Variants in FMNL1 observed in about 807,000 individuals in gnomAD.
FMNL1 encodes the protein formin like 1.
In FMNL1, 43 loss-of-function variants were observed where a neutral mutation model predicts 121.3. The ratio of observed to expected loss-of-function variants is 0.35; its 90% CI spans 0.28 to 0.46. FMNL1 has a LOEUF of 0.46. Ranked by LOEUF, FMNL1 falls within the 20% of genes least tolerant of loss-of-function variation. The pLI is 1.00. For synonymous variants in FMNL1, 613 were observed against 613.5 expected (o/e 1.00, Z 0.01); for missense variants, 1,191 against 1,482.4 (o/e 0.80, Z 3.23).
At position 45,243,294 on chromosome 17, in the gene FMNL1, C is replaced by T. The variant is rs747985955; in HGVS notation, c.2187C>T (p.Ala729=). The change falls in exon 17 of 27, where the codon GCC becomes GCT. Residue 729 remains alanine (A), a synonymous_variant. Coordinates refer to ENST00000331495, the MANE Select transcript of FMNL1 (RefSeq NM_005892.4). ...CCCTGCGGAAGGGCAACCTGGGGGC[C>T]GAGCGCATCTGCCAAGCCATTGAGG... ...AITLRKGNLG[A]ERICQAIEAY... 93 of 1,613,406 alleles carry T rather than the reference C, an allele frequency of 5.8e-5. No individual in the cohort carries two copies. Among genetic ancestry groups the T allele is most frequent in the Admixed American group, 1.5e-4 (9 of 59,988 alleles).
chr17:45,240,426 C>T (rs759359198), intron 11 of FMNL1, 50 bp from the exon 12 acceptor site: 3 of 1,530,936 alleles, frequency 2.0e-6, no homozygotes, highest in Non-Finnish European at 1.8e-6. Context: ...GAAAGACTCC[C>T]CCCCACACAC....
intron 1 of FMNL1, among the ~76,000 whole-genome samples, chr17:45,228,118 C>T (rs2143236100): frequency 6.6e-6 from 1 of 152,282 alleles, no homozygotes; most frequent in East Asian, 1.9e-4. Flanking sequence ...TTCAGGGTGG[C>T]CTCACTCCAC....
rs982242805 is a variant in FMNL1 at position 45,226,836 on chromosome 17, C to G, written c.130-3768C>G. ...TTGCCCTTGTCCCAGCTGTGGGGAC[C>G]CTTGAACTCTGATGGGAGAAGCTGT... On this transcript the variant is annotated intron_variant, in intron 1 of 26. Coordinates refer to ENST00000331495, the MANE Select transcript of FMNL1 (RefSeq NM_005892.4). Among the ~76,000 whole-genome samples the G allele has an allele frequency of 3.9e-4, 59 of 152,162 alleles. 1 individual carries two copies. Among genetic ancestry groups the G allele is most frequent in the Non-Finnish European group, 1.9e-4 (13 of 68,000 alleles).
Position 45,241,008 on chromosome 17 carries a change from G to C in FMNL1, c.1231-121G>C. 7.8e-7 allele frequency: 1 copy of C among 1,282,774 alleles called. No individual in the cohort carries two copies. The highest frequency in any genetic ancestry group is 1.1e-6 in the Non-Finnish European group (1 of 907,978). The allele number at this position is 1,282,774 out of a possible 1,614,324, so 79.5% of individuals were successfully genotyped here. A position where few individuals can be genotyped will look rare whatever the true frequency, so the allele number is the denominator to read the frequency against. On this transcript the variant is annotated intron_variant, in intron 12 of 26. Coordinates refer to ENST00000331495, the MANE Select transcript of FMNL1 (RefSeq NM_005892.4). This position sits in a 1 kb window ranked among gnomAD's most constrained non-coding sequence, Gnocchi z 7.0. ...CAGGCTCGGCCCACCCTTGGCACCT[G>C]GGCTGAGCGGATCTGGGAGCCTCCC...
rs901695838 is a variant in FMNL1 at position 45,222,087 on chromosome 17, G to T, written c.-38G>T. On this transcript the variant is annotated 5_prime_UTR_variant, in exon 1 of 27. Coordinates refer to ENST00000331495, the MANE Select transcript of FMNL1 (RefSeq NM_005892.4). The stretch of plus-strand genomic sequence containing the variant: ...CCGTCCCCCGGAAAGCTGGATTTCC[G>T]AGGCTGGAGGCGCCTGGCCGGCTGG... 5.3e-6 allele frequency: 6 copies of T among 1,140,126 alleles called. No individual in the cohort carries two copies. Among genetic ancestry groups the T allele is most frequent in the Non-Finnish European group, 6.5e-6 (6 of 929,716 alleles). The allele number at this position is 1,140,126 out of a possible 1,614,324, so 70.6% of individuals were successfully genotyped here.
chr17:45,233,485 T>C lies in FMNL1; in HGVS notation c.402-163T>C, dbSNP rs1298276461. 6.6e-6 allele frequency among the ~76,000 whole-genome samples: 1 copy of C among 152,062 alleles called. No individual in the cohort carries two copies. The highest frequency in any genetic ancestry group is 2.4e-5 in the African/African-American group (1 of 41,410). ...ATGCTCTGACTGGCACCTTGAGGCA[T>C]GGCTGGGCTGTGGGACCCACCTGAG... is the stretch of plus-strand genomic sequence containing the variant. On this transcript the variant is annotated intron_variant, in intron 4 of 26. Coordinates refer to ENST00000331495, the MANE Select transcript of FMNL1 (RefSeq NM_005892.4). The surrounding 1 kb of genome is among the most constrained non-coding windows in gnomAD (Gnocchi z 4.1).
chr17:45,237,743 G>A lies in FMNL1; in HGVS notation c.894+104G>A. On this transcript the variant is annotated intron_variant, in intron 9 of 26. Coordinates refer to ENST00000331495, the MANE Select transcript of FMNL1 (RefSeq NM_005892.4). This position sits in a 1 kb window ranked among gnomAD's most constrained non-coding sequence, Gnocchi z 4.4. Reference sequence around the variant, plus strand: ...TGCTGGAGGCAGCTGGGGACATTGGGTGGGCATTTGGGGAACGCCCAAAAG... The same window carrying A: ...TGCTGGAGGCAGCTGGGGACATTGGATGGGCATTTGGGGAACGCCCAAAAG... 1 of 1,298,594 alleles carries A rather than the reference G, an allele frequency of 7.7e-7. No individual in the cohort carries two copies. Among genetic ancestry groups the A allele is most frequent in the African/African-American group, 1.5e-5 (1 of 68,578 alleles). The allele number at this position is 1,298,594 out of a possible 1,614,324, so 80.4% of individuals were successfully genotyped here. A position where few individuals can be genotyped will look rare whatever the true frequency, so the allele number is the denominator to read the frequency against.
rs2043717223 is a variant in FMNL1, at chr17:45,242,091, G to GCCT, written c.1833_1835dup (p.Pro612dup). 6.8e-7 allele frequency: 1 copy of GCCT among 1,471,436 alleles called. No homozygotes were observed. The highest frequency in any genetic ancestry group is 9.0e-7 in the Non-Finnish European group (1 of 1,111,728). 91.1% of individuals were successfully genotyped at this position (1,471,436 alleles called of 1,614,324 possible). A position where few individuals can be genotyped will look rare whatever the true frequency, so the allele number is the denominator to read the frequency against. On this transcript the variant is annotated inframe_insertion, in exon 15 of 27. Coordinates refer to ENST00000331495, the MANE Select transcript of FMNL1 (RefSeq NM_005892.4). ...CTCCGCCGCCGCCGCCGCCGCCGCC[G>GCCT]CCTCCCGGAGGTCCTCCTGATGCCC...
At chr17:45,240,162 C>T (rs1030107983) in intron 11 of FMNL1, among the ~76,000 whole-genome samples, 1 of 152,118 alleles carries the variant, frequency 6.6e-6, no homozygotes. Flanking sequence ...TTAGTGGTTG[C>T]CAGGGACTGG....
rs2043682161 is a variant in FMNL1, at chr17:45,241,191, A to C, written c.1293A>C (p.Lys431Asn). ...ESMAKIAELE[K>N]QLSQARKELE... Reference sequence around the variant, plus strand: ...TGGCCAAGATTGCAGAACTGGAAAAACAGCTAAGCCAGGCGCGCAAGGAGT... The same window carrying C: ...TGGCCAAGATTGCAGAACTGGAAAACCAGCTAAGCCAGGCGCGCAAGGAGT... Residue 431 changes from lysine (K) to asparagine (N), a missense_variant, in exon 13 of 27, where the codon AAA (lysine) becomes AAC (asparagine). By Grantham distance (94) the Lys-to-Asn change is moderately conservative. Coordinates refer to ENST00000331495, the MANE Select transcript of FMNL1 (RefSeq NM_005892.4). This position sits in a 1 kb window ranked among gnomAD's most constrained non-coding sequence, Gnocchi z 7.0. 1 of 1,613,888 alleles carries C rather than the reference A, an allele frequency of 6.2e-7. No homozygotes were observed. The highest frequency in any genetic ancestry group is 8.5e-7 in the Non-Finnish European group (1 of 1,179,874).
rs1385976615 is a variant in FMNL1, at chr17:45,222,139, C to A, written c.15C>A (p.Ala5=). MGNA[A]GSAEQPAGPA... ...TGGGGACCACCATGGGCAACGCGGC[C>A]GGCAGCGCCGAGCAGCCCGCGGGCC... The change falls in exon 1 of 27, where the codon GCC becomes GCA. Residue 5 remains alanine (A), a synonymous_variant. Transcript: ENST00000331495. 1.1e-5 allele frequency: 13 copies of A among 1,183,006 alleles called. No homozygotes were observed. The East Asian group carries it at 4.8e-4, about 44-fold the overall frequency. 73.3% of individuals were successfully genotyped at this position (1,183,006 alleles called of 1,614,324 possible).
chr17:45,244,884 C>G lies in FMNL1; in HGVS notation c.2583C>G (p.Leu861=). 5 of 1,613,808 alleles carry G rather than the reference C, an allele frequency of 3.1e-6. No homozygotes were observed. Among genetic ancestry groups the G allele is most frequent in the Non-Finnish European group, 4.2e-6 (5 of 1,179,882 alleles). ...GTGGGGCAGCCTATGGCTTCCGGCT[C>G]CAGAGCCTGGATGCGGTGAGGAGGG... is the stretch of plus-strand genomic sequence containing the variant. ...SKRGAAYGFR[L]QSLDALLEMK... The change falls in exon 20 of 27, where the codon CTC becomes CTG. Residue 861 remains leucine (L), a synonymous_variant. Coordinates refer to ENST00000331495, the MANE Select transcript of FMNL1 (RefSeq NM_005892.4).
intron 22 of FMNL1, 106 bp downstream of exon 22, chr17:45,245,522 G>C (rs763580251): frequency 6.2e-7 from 1 of 1,603,210 alleles, no homozygotes; most frequent in Non-Finnish European, 8.5e-7. Flanking sequence ...GGATGCAGCA[G>C]GAATGAGGGG....
chr17:45,221,933 G>T lies in FMNL1; in HGVS notation c.-192G>T. The stretch of plus-strand genomic sequence containing the variant: ...CTCGCCGCCCGGTCCCACGGACGGG[G>T]CCGCCCCGATGGGACGCCGCGCTCC... On this transcript the variant is annotated 5_prime_UTR_variant, in exon 1 of 27. Coordinates refer to ENST00000331495, the MANE Select transcript of FMNL1 (RefSeq NM_005892.4). 1 of 355,350 alleles carries T rather than the reference G, an allele frequency of 2.8e-6. No homozygotes were observed. Among genetic ancestry groups the T allele is most frequent in the Non-Finnish European group, 4.9e-6 (1 of 205,084 alleles). The allele number at this position is 355,350 out of a possible 1,614,324, so 22.0% of individuals were successfully genotyped here. A position where few individuals can be genotyped will look rare whatever the true frequency, so the allele number is the denominator to read the frequency against.
intron 1 of FMNL1, among the ~76,000 whole-genome samples, chr17:45,222,576 C>A (rs1318379869): frequency 6.6e-6 from 1 of 152,014 alleles, no homozygotes; most frequent in Admixed American, 6.5e-5. Flanking sequence ...TCGCCCCCTT[C>A]CCCACTGCAC....
chr17:45,241,904 T>G lies in FMNL1; in HGVS notation c.1643T>G (p.Leu548Arg). The G allele has an allele frequency of 1.4e-6, 2 of 1,385,368 alleles. No homozygotes were observed. The highest frequency in any genetic ancestry group is 1.9e-6 in the Non-Finnish European group (2 of 1,078,942). 85.8% of individuals were successfully genotyped at this position (1,385,368 alleles called of 1,614,324 possible). ...GCAGCGCCACCGCCGCCGCCCCCACTGCCCGGCCTCCCCTCCCCGCAGGAA... is the reference window on the plus strand; with the variant it reads ...GCAGCGCCACCGCCGCCGCCCCCACGGCCCGGCCTCCCCTCCCCGCAGGAA... ...PGAAPPPPPP[L>R]PGLPSPQEAP... Residue 548 changes from leucine to arginine, a missense_variant, in exon 15 of 27, where the codon CTG (leucine) becomes CGG (arginine). By Grantham distance (102) the Leu-to-Arg change is moderately radical. Around this residue, in one of 4 missense-constraint regions of FMNL1, gnomAD observed 519 missense variants for 492.8 expected, o/e 1.05. Transcript: ENST00000331495. This position sits in a 1 kb window ranked among gnomAD's most constrained non-coding sequence, Gnocchi z 7.0.
chr17:45,231,952 G>A lies in FMNL1; in HGVS notation c.214-415G>A. On this transcript the variant is annotated intron_variant, in intron 2 of 26. Transcript: ENST00000331495. This position sits in a 1 kb window ranked among gnomAD's most constrained non-coding sequence, Gnocchi z 4.7. The stretch of plus-strand genomic sequence containing the variant: ...CATAGTCCACCCCAAAGCTGTGTCA[G>A]GGCTGTGGCCTGGGAGCCCATACAG... 6.6e-6 allele frequency among the ~76,000 whole-genome samples: 1 copy of A among 152,206 alleles called. No homozygotes were observed. Among genetic ancestry groups the A allele is most frequent in the Non-Finnish European group, 1.5e-5 (1 of 68,034 alleles).
chr17:45,241,541 G>A lies in FMNL1; in HGVS notation c.1492G>A (p.Ala498Thr), dbSNP rs2143549620. The A allele has an allele frequency of 1.3e-6, 2 of 1,575,214 alleles. No individual in the cohort carries two copies. The highest frequency in any genetic ancestry group is 8.6e-7 in the Non-Finnish European group (1 of 1,161,410). The part of the protein sequence containing the change: ...LIRILRGPGD[A>T]VSIEILPVAV... ...CCGTATTCTGCGGGGGCCGGGGGAT[G>A]CTGTCTCCATCGAGATCCTCCCCGT... Residue 498 changes from alanine to threonine, a missense_variant, in exon 14 of 27, where the codon GCT becomes ACT. Ala to Thr is a moderately conservative substitution (Grantham distance 58, BLOSUM62 0). Transcript: ENST00000331495. The surrounding 1 kb of genome is among the most constrained non-coding windows in gnomAD (Gnocchi z 7.0).
Position 45,241,991 on chromosome 17 carries a change from C to T in FMNL1, c.1730C>T (p.Ala577Val). Residue 577 changes from alanine to valine, a missense_variant, in exon 15 of 27, where the codon GCG becomes GTG. Physicochemically the swap from Ala to Val is moderately conservative, Grantham distance 64. This residue lies in a region of FMNL1 where 519 missense variants were observed against 492.8 expected (regional missense o/e 1.05). Coordinates refer to ENST00000331495, the MANE Select transcript of FMNL1 (RefSeq NM_005892.4). This position sits in a 1 kb window ranked among gnomAD's most constrained non-coding sequence, Gnocchi z 7.0. ...PLPGSPEPPPAPPLPGDLPPP... is the reference protein window; with the variant it reads ...PLPGSPEPPPVPPLPGDLPPP... ...CCTGGCAGCCCGGAGCCCCCGCCTGCGCCGCCGCTGCCCGGAGACCTGCCG... is the reference window on the plus strand; with the variant it reads ...CCTGGCAGCCCGGAGCCCCCGCCTGTGCCGCCGCTGCCCGGAGACCTGCCG... 1 of 1,294,272 alleles carries T rather than the reference C, an allele frequency of 7.7e-7. No individual in the cohort carries two copies. The highest frequency in any genetic ancestry group is 9.8e-7 in the Non-Finnish European group (1 of 1,019,928). The allele number at this position is 1,294,272 out of a possible 1,614,324, so 80.2% of individuals were successfully genotyped here.
Sources: allele counts gnomAD v4.1 joint callset (sites outside exome capture counted in the v4.1 genomes callset), GRCh38; gene constraint gnomAD v4.1.1; regional missense constraint gnomAD v4.1.1; non-coding constraint Gnocchi (gnomAD v3.1); transcripts MANE v1.5; gene names NCBI Gene and HGNC (gene_info 2026-07-23, HGNC 2026-07-21).